Variants in CSMD2 observed in about 807,000 individuals in gnomAD.
CSMD2 encodes the protein CUB and Sushi multiple domains 2.
In CSMD2, 130 loss-of-function variants were observed where a neutral mutation model predicts 398.5. The ratio of observed to expected loss-of-function variants is 0.33; its 90% confidence interval spans 0.28 to 0.38. CSMD2 has a LOEUF of 0.38. Ranked by LOEUF, CSMD2 falls within the 10% of genes least tolerant of loss-of-function variation. The pLI is 1.00. For missense variants in CSMD2, 3,829 were observed against 4,764.9 expected (o/e 0.80, Z 5.78); for synonymous variants, 1,828 against 1,908.5 (o/e 0.96, Z 1.10).
At chr1:33,880,589 T>C (rs1302597432) in intron 5 of CSMD2, among the ~76,000 whole-genome samples, 1 of 152,244 alleles carries the variant, frequency 6.6e-6, no homozygotes, top group African/African-American at 2.4e-5. Context: ...TCAGTGGTTT[T>C]GGCTCTCTCT....
intron 5 of CSMD2, among the ~76,000 whole-genome samples, chr1:33,866,669 G>A (rs1640059115): frequency 6.6e-6 from 1 of 152,138 alleles, no homozygotes. Flanking sequence ...CCCTCACGGA[G>A]AGCTATCCCC....
At chr1:34,029,427 C>T (rs1550164) in intron 3 of CSMD2, among the ~76,000 whole-genome samples, 15,384 of 152,214 alleles carry the variant, frequency 0.1, 873 homozygotes, top group East Asian at 0.19. Context: ...ATAAGCTCAA[C>T]GATAGACATC....
Position 33,519,765 on chromosome 1 carries a change from G to A in CSMD2, c.10736+47C>T. The A allele has an allele frequency of 2.5e-6, 4 of 1,612,620 alleles. No individual in the cohort carries two copies. The highest frequency in any genetic ancestry group is 3.4e-6 in the Non-Finnish European group (4 of 1,178,902). ...TGGTGCGGGGGGCCCTGGAGGGAGA[G>A]AGGGAGGCCTGCCTGATGCCCGCCC... On this transcript the variant is annotated intron_variant, in intron 69 of 70. Transcript: ENST00000373381. The surrounding 1 kb of genome is among the most constrained non-coding windows in gnomAD (Gnocchi z 5.6).
At chr1:34,035,100 C>T (rs1006925088) in intron 2 of CSMD2, among the ~76,000 whole-genome samples, 7 of 152,166 alleles carry the variant, frequency 4.6e-5, no homozygotes, top group Non-Finnish European at 1.0e-4. Context: ...TACACACATG[C>T]ATTTCACACA....
intron 45 of CSMD2, 152 bp downstream of exon 45, chr1:33,586,936 G>C: frequency 1.6e-6 from 1 of 628,184 alleles, no homozygotes; most frequent in South Asian, 2.3e-5. Flanking sequence ...TGTAAACTCA[G>C]TGGGCAGAAC....
At chr1:33,584,442 C>A (rs531317382) in intron 46 of CSMD2, among the ~76,000 whole-genome samples, 1 of 152,032 alleles carries the variant, frequency 6.6e-6, no homozygotes, top group South Asian at 2.1e-4. Flanking sequence ...GAGGCCGGGG[C>A]GGGTGAATCA....
At chr1:33,887,553 T>C (rs1229053441) in intron 5 of CSMD2, among the ~76,000 whole-genome samples, 1 of 152,112 alleles carries the variant, frequency 6.6e-6, no homozygotes, top group Non-Finnish European at 1.5e-5. Context: ...CACTCCAGAG[T>C]TTTTAAAAAA....
rs764345840 is a variant in CSMD2 at position 33,537,994 on chromosome 1, G to A, written c.9632-385C>T. Among the ~76,000 whole-genome samples, 1 of 152,176 alleles carries A rather than the reference G, an allele frequency of 6.6e-6. No individual in the cohort carries two copies. The highest frequency in any genetic ancestry group is 1.5e-5 in the Non-Finnish European group (1 of 68,030). On this transcript the variant is annotated intron_variant, in intron 60 of 70. Transcript: ENST00000373381. The surrounding 1 kb of genome is among the most constrained non-coding windows in gnomAD (Gnocchi z 4.6). Reference sequence around the variant, plus strand: ...GCGGCAAACCCAAGCCTATGTGATCGTAAATCTTGTTTCATTCACTTAGCA... The same window carrying A: ...GCGGCAAACCCAAGCCTATGTGATCATAAATCTTGTTTCATTCACTTAGCA...
chr1:34,025,518 C>T (rs1021720634), intron 3 of CSMD2, among the ~76,000 whole-genome samples: 1 of 152,098 alleles, frequency 6.6e-6, no homozygotes, highest in African/African-American at 2.4e-5. Context: ...ATCGGGGTGG[C>T]CACAGGGCAT....
At chr1:33,925,105 T>C (rs1006360790) in intron 4 of CSMD2, among the ~76,000 whole-genome samples, 1 of 152,226 alleles carries the variant, frequency 6.6e-6, no homozygotes, top group African/African-American at 2.4e-5. Flanking sequence ...TTTGAGGTCT[T>C]AGCCATAAAA....
chr1:34,070,378 T>TC (rs1655594134), intron 2 of CSMD2, among the ~76,000 whole-genome samples: 1 of 152,176 alleles, frequency 6.6e-6, no homozygotes, highest in Non-Finnish European at 1.5e-5. Context: ...AAGGCCTTTC[T>TC]CCCGCCCTCC....
chr1:33,838,417 C>T (rs1423136167), intron 6 of CSMD2: 1 of 152,128 alleles, frequency 6.6e-6, no homozygotes, highest in Non-Finnish European at 1.5e-5. Flanking sequence ...GAAATCTGAC[C>T]TTGCCTTTTT....
intron 2 of CSMD2, among the ~76,000 whole-genome samples, chr1:34,082,410 G>A (rs1291552403): frequency 6.6e-6 from 1 of 151,974 alleles, no homozygotes; most frequent in Non-Finnish European, 1.5e-5. Context: ...CCCCGTCTGG[G>A]AGGTGGGGGG....
chr1:34,071,487 C>T (rs573531968), intron 2 of CSMD2, among the ~76,000 whole-genome samples: 1 of 152,372 alleles, frequency 6.6e-6, no homozygotes, highest in South Asian at 2.1e-4. Context: ...CTGCTCCATG[C>T]AGTCATCCAG....
chr1:34,103,441 G>A (rs1295482268), intron 1 of CSMD2, among the ~76,000 whole-genome samples: 3 of 151,762 alleles, frequency 2.0e-5, no homozygotes, highest in Non-Finnish European at 4.4e-5. Context: ...TGGGACTACC[G>A]GCACCCGCCA....
chr1:33,654,856 T>C (rs564415925), intron 27 of CSMD2, among the ~76,000 whole-genome samples: 2 of 152,356 alleles, frequency 1.3e-5, no homozygotes, highest in African/African-American at 4.8e-5. Flanking sequence ...TTGCCACAGA[T>C]GGGGTGAGTC....
rs751297692 is a variant in CSMD2, at chr1:33,541,164, G to A, written c.9423C>T (p.Asp3141=). Residue 3141 remains aspartate, a synonymous_variant, in exon 59 of 71, where the codon GAC becomes GAT. Coordinates refer to ENST00000373381, the MANE Select transcript of CSMD2 (RefSeq NM_001281956.2). ...HRVSVLSCTK[D]RTWNGTKPVC... Reference sequence around the variant, plus strand: ...CGGGCTTGGTTCCATTCCATGTCCGGTCCTTGGTGCAGCTCAGCACAGATA... The same window carrying A: ...CGGGCTTGGTTCCATTCCATGTCCGATCCTTGGTGCAGCTCAGCACAGATA... 10 of 1,613,960 alleles carry A rather than the reference G, an allele frequency of 6.2e-6. No individual in the cohort carries two copies. Among genetic ancestry groups the A allele is most frequent in the Non-Finnish European group, 4.2e-6 (5 of 1,180,026 alleles).
At chr1:34,130,389 C>CAAAAAA (rs60733725) in intron 1 of CSMD2, among the ~76,000 whole-genome samples, 7 of 58,498 alleles carry the variant, frequency 1.2e-4, no homozygotes, top group South Asian at 8.7e-4. Context: ...TGTCTGGAGG[C>CAAAAAA]AAAAAAAAAA....
At chr1:34,138,689 T>C (rs1391296211) in intron 1 of CSMD2, among the ~76,000 whole-genome samples, 1 of 152,226 alleles carries the variant, frequency 6.6e-6, no homozygotes, top group African/African-American at 2.4e-5. Context: ...ATATGAATAT[T>C]TTAAAGGCTG....
Sources: gnomAD v4.1 joint callset for allele counts (sites outside exome capture counted in the v4.1 genomes callset) on GRCh38, gnomAD v4.1.1 for gene constraint, Gnocchi (gnomAD v3.1) non-coding constraint, MANE v1.5 for transcripts, NCBI Gene and HGNC (gene_info 2026-07-23, HGNC 2026-07-21) for gene names.